The following ADHFE1 variants were observed in gnomAD, a reference collection of about 807,000 sequenced individuals.
ADHFE1 encodes the protein hydroxyacid-oxoacid transhydrogenase, mitochondrial.
ADHFE1 carries 37 observed loss-of-function variants against 54.8 expected under a neutral mutation model. The observed-to-expected ratio is 0.68, with a 90% CI of 0.52 to 0.89. ADHFE1 has a LOEUF of 0.89. ADHFE1 is among the 40% of genes least tolerant of loss of function. ADHFE1 has a pLI of 0.00. For missense variants in ADHFE1, 601 were observed against 591.2 expected (o/e 1.02, Z -0.17); for synonymous variants, 203 against 229.3 (o/e 0.89, Z 1.04).
chr8:66,447,060 A>G (rs553698936), intron 6 of ADHFE1, among the ~76,000 whole-genome samples: 9 of 152,168 alleles, frequency 5.9e-5, no homozygotes, highest in Non-Finnish European at 1.0e-4. Flanking sequence ...GACATCCTCC[A>G]TGTTAGATTA....
At chr8:66,444,794 T>C (rs1343259535) in intron 5 of ADHFE1, 46 bp downstream of exon 5, 5 of 1,607,122 alleles carry the variant, frequency 3.1e-6, no homozygotes, top group Middle Eastern at 1.7e-4. Flanking sequence ...AAGCAGAAGC[T>C]AACTGTTGAT....
At chr8:66,432,668 G>C (rs909263545) in intron 1 of ADHFE1, 93 bp downstream of exon 1, 2 of 1,236,950 alleles carry the variant, frequency 1.6e-6, no homozygotes, top group African/African-American at 3.1e-5. Context: ...AGTCTTCTCC[G>C]CTTACTTTCA....
chr8:66,437,543 C>A (rs976635456), intron 1 of ADHFE1, among the ~76,000 whole-genome samples: 1 of 138,392 alleles, frequency 7.2e-6, no homozygotes, highest in African/African-American at 2.6e-5. Flanking sequence ...CAGCCTGCCC[C>A]CACCCCCCTC....
intron 9 of ADHFE1, among the ~76,000 whole-genome samples, chr8:66,453,106 G>A (rs776516628): frequency 2.0e-5 from 3 of 152,182 alleles, no homozygotes; most frequent in Non-Finnish European, 4.4e-5. Flanking sequence ...AAACAGACAC[G>A]CATCATGGGG....
intron 8 of ADHFE1, 87 bp from the exon 9 acceptor site, chr8:66,451,866 A>C (rs1053332213): frequency 6.6e-7 from 1 of 1,521,000 alleles, no homozygotes; most frequent in Non-Finnish European, 8.9e-7. Context: ...TTGAGTGCCA[A>C]ACAGCTCCAA....
intron 1 of ADHFE1, among the ~76,000 whole-genome samples, chr8:66,438,471 G>GA (rs1264016720): frequency 2.6e-5 from 4 of 152,158 alleles, no homozygotes; most frequent in Non-Finnish European, 5.9e-5. Context: ...TGGGAGCCAG[G>GA]AAAAAGTTCC....
intron 1 of ADHFE1, among the ~76,000 whole-genome samples, chr8:66,433,563 A>G (rs1273371216): frequency 6.6e-6 from 1 of 152,076 alleles, no homozygotes; most frequent in African/African-American, 2.4e-5. Context: ...GAATTTGTCC[A>G]GTGTCACACA....
intron 11 of ADHFE1, 85 bp downstream of exon 11, chr8:66,456,980 A>G (rs1806620387): frequency 6.7e-7 from 1 of 1,486,580 alleles, no homozygotes; most frequent in Non-Finnish European, 9.1e-7. Context: ...TCGCCTGCTT[A>G]GAGTATGGGG....
intron 1 of ADHFE1, among the ~76,000 whole-genome samples, chr8:66,435,214 A>G (rs1805400448): frequency 6.6e-6 from 1 of 152,214 alleles, no homozygotes; most frequent in African/African-American, 2.4e-5. Context: ...AGCCCTCACT[A>G]TGTTAGTTTC....
At chr8:66,432,718 G>A in intron 1 of ADHFE1, 143 bp downstream of exon 1, 4 of 1,232,584 alleles carry the variant, frequency 3.2e-6, no homozygotes, top group Non-Finnish European at 4.0e-6. Context: ...GGCTCCCACC[G>A]CGCGCCAGGC....
chr8:66,447,845 C>A (rs766025673), intron 7 of ADHFE1, among the ~76,000 whole-genome samples: 9 of 152,150 alleles, frequency 5.9e-5, no homozygotes, highest in Non-Finnish European at 1.2e-4. Flanking sequence ...TGACTGTATA[C>A]CAATGATAAA....
intron 9 of ADHFE1, among the ~76,000 whole-genome samples, chr8:66,452,989 A>AAG (rs1226880801): frequency 1.3e-5 from 2 of 152,238 alleles, no homozygotes; most frequent in African/African-American, 4.8e-5. Flanking sequence ...TCCACTGACA[A>AAG]AGGAGCCTTG....
At chr8:66,442,505 G>T (rs1805809323) in intron 2 of ADHFE1, among the ~76,000 whole-genome samples, 1 of 151,802 alleles carries the variant, frequency 6.6e-6, no homozygotes, top group South Asian at 2.1e-4. Flanking sequence ...TAGAGACAGG[G>T]TTCTACCATG....
intron 9 of ADHFE1, among the ~76,000 whole-genome samples, chr8:66,452,998 T>G (rs1408416834): frequency 6.6e-6 from 1 of 152,190 alleles, no homozygotes; most frequent in African/African-American, 2.4e-5. Flanking sequence ...AAAGGAGCCT[T>G]GGAATTGCAT....
intron 2 of ADHFE1, among the ~76,000 whole-genome samples, chr8:66,441,634 C>A (rs1167631503): frequency 6.6e-6 from 1 of 151,982 alleles, no homozygotes; most frequent in Non-Finnish European, 1.5e-5. Flanking sequence ...TTCATTGTTC[C>A]AATATGACAG....
chr8:66,440,057 A>G, intron 1 of ADHFE1, 105 bp from the exon 2 acceptor site: 7 of 1,073,566 alleles, frequency 6.5e-6, no homozygotes, highest in Non-Finnish European at 8.3e-6. Flanking sequence ...CCAATTTGAT[A>G]GCATCTTAGC....
chr8:66,456,413 C>T (rs1397601686), intron 10 of ADHFE1, among the ~76,000 whole-genome samples: 1 of 152,182 alleles, frequency 6.6e-6, no homozygotes, highest in African/African-American at 2.4e-5. Context: ...TCACAAAATT[C>T]CCCCGACATC....
In ADHFE1 at chr8:66,454,094, C is replaced by T; in HGVS notation, c.923C>T (p.Ser308Phe). The change falls in exon 10 of 14, where the codon TCT becomes TTT. Residue 308 changes from serine (S) to phenylalanine (F), a missense_variant. By Grantham distance (155) the Ser-to-Phe change is radical (BLOSUM62 -2). Transcript: ENST00000396623. Reference protein sequence around the residue: ...VRNPDDLEARSHMHLASAFAG... With the variant: ...VRNPDDLEARFHMHLASAFAG... ...AATCCCGATGATCTTGAAGCAAGGT[C>T]TCATATGCACTTGGCAAGTGCTTTT... The T allele has an allele frequency of 6.2e-7, 1 of 1,614,144 alleles. No individual in the cohort carries two copies. Among genetic ancestry groups the T allele is most frequent in the Non-Finnish European group, 8.5e-7 (1 of 1,180,006 alleles).
At chr8:66,434,541 A>G (rs572137562) in intron 1 of ADHFE1, among the ~76,000 whole-genome samples, 1 of 152,346 alleles carries the variant, frequency 6.6e-6, no homozygotes, top group East Asian at 1.9e-4. Context: ...ACATTTTAAA[A>G]GTGGGAGATT....
Sources: allele counts gnomAD v4.1 joint callset (sites outside exome capture counted in the v4.1 genomes callset), GRCh38; gene constraint gnomAD v4.1.1; transcripts MANE v1.5; gene names NCBI Gene and HGNC (gene_info 2026-07-23, HGNC 2026-07-21).